Variants in NKAIN2 observed in about 807,000 individuals in gnomAD.
The protein encoded by NKAIN2 is sodium/potassium-transporting ATPase subunit beta-1-interacting protein 2.
Under a neutral mutation model 32.6 loss-of-function variants are expected in NKAIN2, and 14 were observed. The ratio of observed to expected loss-of-function variants is 0.43; its 90% CI spans 0.28 to 0.67. The LOEUF is 0.67. Ranked by LOEUF, NKAIN2 falls within the 30% of genes least tolerant of loss-of-function variation. NKAIN2 has a pLI of 0.17. For synonymous variants in NKAIN2, 80 were observed against 87.2 expected (o/e 0.92, Z 0.46); for missense variants, 198 against 258.3 (o/e 0.77, Z 1.60).
chr6:124,096,966 C>A (rs912199907), intron 1 of NKAIN2, among the ~76,000 whole-genome samples: 4 of 151,706 alleles, frequency 2.6e-5, no homozygotes, highest in Non-Finnish European at 4.4e-5. Flanking sequence ...GTTTATTGAA[C>A]TGAGAATGAT....
intron 1 of NKAIN2, among the ~76,000 whole-genome samples, chr6:123,862,822 A>G (rs1359873581): frequency 6.6e-6 from 1 of 152,062 alleles, no homozygotes; most frequent in Non-Finnish European, 1.5e-5. Context: ...CATATATCTT[A>G]TCTTTTTCTA....
chr6:124,125,259 G>T (rs1473351142), intron 1 of NKAIN2, among the ~76,000 whole-genome samples: 2 of 152,058 alleles, frequency 1.3e-5, no homozygotes, highest in South Asian at 2.1e-4. Flanking sequence ...CTGGGGGCTT[G>T]CATGTATAAA....
chr6:124,268,862 G>GGTC (rs1794622692), intron 1 of NKAIN2, among the ~76,000 whole-genome samples: 1 of 151,914 alleles, frequency 6.6e-6, no homozygotes, highest in Non-Finnish European at 1.5e-5. Flanking sequence ...ATGTAACCTT[G>GGTC]GTCAAGTTAA....
intron 1 of NKAIN2, among the ~76,000 whole-genome samples, chr6:124,158,266 T>C (rs544381559): frequency 6.6e-6 from 1 of 152,232 alleles, no homozygotes; most frequent in South Asian, 2.1e-4. Context: ...TCACCTCTTC[T>C]TATAAGGATG....
chr6:124,422,359 A>G (rs1774793737), intron 3 of NKAIN2, among the ~76,000 whole-genome samples: 1 of 152,032 alleles, frequency 6.6e-6, no homozygotes, highest in African/African-American at 2.4e-5. Flanking sequence ...AAAACTTGGA[A>G]TACATTTCTA....
chr6:124,742,515 C>T (rs965231145), intron 4 of NKAIN2, among the ~76,000 whole-genome samples: 2 of 151,830 alleles, frequency 1.3e-5, no homozygotes, highest in African/African-American at 2.4e-5. Flanking sequence ...ACATCACTGG[C>T]TTCCCTGGTT....
chr6:124,610,192 T>C (rs1782640260), intron 3 of NKAIN2, among the ~76,000 whole-genome samples: 1 of 152,194 alleles, frequency 6.6e-6, no homozygotes, highest in African/African-American at 2.4e-5. Flanking sequence ...ATTGATAGGA[T>C]ATGTAATATT....
At chr6:124,071,650 TA>T (rs908112149) in intron 1 of NKAIN2, among the ~76,000 whole-genome samples, 1 of 151,916 alleles carries the variant, frequency 6.6e-6, no homozygotes, top group Admixed American at 6.6e-5. Context: ...ATAACCCCTT[TA>T]AAAATGGGCA....
intron 1 of NKAIN2, among the ~76,000 whole-genome samples, chr6:123,954,343 G>T (rs1466077789): frequency 6.6e-6 from 1 of 152,174 alleles, no homozygotes; most frequent in Non-Finnish European, 1.5e-5. Context: ...GGGCCATCAG[G>T]GCCTAGGGGC....
At chr6:124,180,509 A>G (rs1262518171) in intron 1 of NKAIN2, among the ~76,000 whole-genome samples, 1 of 152,106 alleles carries the variant, frequency 6.6e-6, no homozygotes, top group Non-Finnish European at 1.5e-5. Context: ...CTACAATTCA[A>G]GATGAGATTT....
intron 1 of NKAIN2, among the ~76,000 whole-genome samples, chr6:124,179,090 TATAAAG>T (rs1007794546): frequency 3.9e-5 from 6 of 152,178 alleles, no homozygotes; most frequent in African/African-American, 1.2e-4. Flanking sequence ...AGCTTGCAAA[TATAAAG>T]ATAATCAAGG....
intron 4 of NKAIN2, among the ~76,000 whole-genome samples, chr6:124,682,021 G>A (rs918141524): frequency 6.6e-6 from 1 of 151,840 alleles, no homozygotes; most frequent in Non-Finnish European, 1.5e-5. Context: ...GCAAATACTG[G>A]GGATAAAAAT....
intron 4 of NKAIN2, among the ~76,000 whole-genome samples, chr6:124,665,211 C>A (rs544240657): frequency 2.0e-5 from 3 of 152,184 alleles, no homozygotes; most frequent in Non-Finnish European, 4.4e-5. Context: ...TCAAAACAAT[C>A]TTGTGAAAGA....
chr6:123,894,477 G>C (rs1303545991), intron 1 of NKAIN2, among the ~76,000 whole-genome samples: 4 of 152,130 alleles, frequency 2.6e-5, no homozygotes, highest in Non-Finnish European at 5.9e-5. Context: ...GTGTATGGAT[G>C]GGGCATAGAT....
intron 1 of NKAIN2, among the ~76,000 whole-genome samples, chr6:123,998,305 C>G (rs1185571854): frequency 1.3e-5 from 2 of 152,060 alleles, no homozygotes; most frequent in South Asian, 4.1e-4. Flanking sequence ...CCATTCAAAA[C>G]TGTGTATTGC....
At chr6:124,517,258 T>C (rs895048795) in intron 3 of NKAIN2, among the ~76,000 whole-genome samples, 7 of 152,300 alleles carry the variant, frequency 4.6e-5, no homozygotes, top group African/African-American at 1.4e-4. Context: ...GAAGTGGTCC[T>C]TCAGGGAGTC....
chr6:124,018,277 C>T (rs1780684510), intron 1 of NKAIN2, among the ~76,000 whole-genome samples: 1 of 152,144 alleles, frequency 6.6e-6, no homozygotes, highest in African/African-American at 2.4e-5. Context: ...CCCAAGAAAC[C>T]ATTATTTCCT....
rs370361038 is a variant in NKAIN2 at position 124,516,979 on chromosome 6, T to A, written c.274-141207T>A. On this transcript the variant is annotated intron_variant, in intron 3 of 6. Coordinates refer to ENST00000368417, the MANE Select transcript of NKAIN2 (RefSeq NM_001040214.3). ...TAATGAGTCTGTTCTGCAAGGGACA[T>A]CTTGTTAGCTTTTGAGGGCATATAG... Among the ~76,000 whole-genome samples the A allele has an allele frequency of 3.3e-5, 5 of 152,150 alleles. No individual in the cohort carries two copies. In the South Asian group the frequency reaches 8.3e-4, roughly 25 times the overall value.
At chr6:124,673,024 T>C (rs1020207455) in intron 4 of NKAIN2, among the ~76,000 whole-genome samples, 1 of 152,020 alleles carries the variant, frequency 6.6e-6, no homozygotes, top group South Asian at 2.1e-4. Flanking sequence ...TATACACTCA[T>C]TGAACAGCAA....
Sources: gnomAD v4.1 joint callset for allele counts (sites outside exome capture counted in the v4.1 genomes callset) on GRCh38, gnomAD v4.1.1 for gene constraint, MANE v1.5 for transcripts, NCBI Gene and HGNC (gene_info 2026-07-23, HGNC 2026-07-21) for gene names.